SORCS3: variants seen among roughly 807,000 people sequenced by gnomAD.
SORCS3 encodes VPS10 domain-containing receptor SorCS3.
A neutral mutation model predicts 146.3 loss-of-function variants in SORCS3; 57 were observed. The ratio of observed to expected loss-of-function variants is 0.39; its 90% CI spans 0.31 to 0.49. The LOEUF is 0.49. Ranked by LOEUF, SORCS3 falls within the 20% of genes least tolerant of loss-of-function variation. The probability of loss-of-function intolerance (pLI) is 0.92; values close to 1 mark genes in which losing one functional copy is unlikely to be tolerated. For missense variants in SORCS3, 1,341 were observed against 1,575.5 expected (o/e 0.85, Z 2.52); for synonymous variants, 653 against 618.5 (o/e 1.06, Z -0.83).
chr10:104,856,480 CTAAT>C (rs1288592593), intron 2 of SORCS3, among the ~76,000 whole-genome samples: 8 of 119,400 alleles, frequency 6.7e-5, no homozygotes, highest in South Asian at 4.8e-4. Context: ...ATATATGCCT[CTAAT>C]TGATTATATT....
At chr10:105,258,519 T>G (rs1376058229) in intron 25 of SORCS3, among the ~76,000 whole-genome samples, 1 of 152,218 alleles carries the variant, frequency 6.6e-6, no homozygotes, top group Non-Finnish European at 1.5e-5. Flanking sequence ...GCATAGTTGC[T>G]GAGGACAAGG....
chr10:104,789,479 T>TCCAC (rs1287536288), intron 1 of SORCS3, among the ~76,000 whole-genome samples: 1 of 152,146 alleles, frequency 6.6e-6, no homozygotes, highest in African/African-American at 2.4e-5. Context: ...TATTCATCTC[T>TCCAC]CCACTCAGGG....
rs116773653 is a variant in SORCS3 at position 104,718,946 on chromosome 10, C to T, written c.627+76992C>T. Among the ~76,000 whole-genome samples, 731 of 152,208 alleles carry T rather than the reference C, an allele frequency of 4.8e-3. 7 individuals are homozygous for T. The highest frequency in any genetic ancestry group is 0.017 in the African/African-American group (716 of 41,542). ...ACAGTGCTGTCCAATTGAAATATAA[C>T]ATGTGCCACATCTGCAATGTAAATT... On this transcript the variant is annotated intron_variant, in intron 1 of 26. Coordinates refer to ENST00000369701, the MANE Select transcript of SORCS3 (RefSeq NM_014978.3).
chr10:104,870,078 C>T (rs1168536309), intron 2 of SORCS3, among the ~76,000 whole-genome samples: 2 of 152,146 alleles, frequency 1.3e-5, no homozygotes, highest in African/African-American at 4.8e-5. Context: ...CTATTGCTGT[C>T]ATTATCATTA....
At chr10:104,801,889 A>C (rs749944504) in intron 1 of SORCS3, among the ~76,000 whole-genome samples, 7 of 152,346 alleles carry the variant, frequency 4.6e-5, no homozygotes, top group Non-Finnish European at 8.8e-5. Context: ...AAGTTTAAAC[A>C]CTGATAAGAA....
chr10:104,882,852 T>C (rs993719904), intron 2 of SORCS3, among the ~76,000 whole-genome samples: 1 of 152,222 alleles, frequency 6.6e-6, no homozygotes, highest in African/African-American at 2.4e-5. Flanking sequence ...AAAGGAATGC[T>C]AATTCATTAT....
At chr10:104,736,341 T>C (rs1402952318) in intron 1 of SORCS3, among the ~76,000 whole-genome samples, 4 of 152,142 alleles carry the variant, frequency 2.6e-5, no homozygotes, top group African/African-American at 9.7e-5. Flanking sequence ...AGATTTCTTA[T>C]TTAGGTGGAA....
intron 1 of SORCS3, among the ~76,000 whole-genome samples, chr10:104,748,199 A>T (rs898170627): frequency 2.6e-5 from 4 of 152,196 alleles, no homozygotes; most frequent in Non-Finnish European, 4.4e-5. Context: ...GATCTGGATG[A>T]TATATTTTGA....
intron 1 of SORCS3, among the ~76,000 whole-genome samples, chr10:104,748,153 A>T (rs887136874): frequency 3.3e-5 from 5 of 152,210 alleles, no homozygotes; most frequent in African/African-American, 1.2e-4. Flanking sequence ...CTCTGATGTC[A>T]TGTGGTCTGA....
At chr10:104,881,393 A>T (rs2018628704) in intron 2 of SORCS3, among the ~76,000 whole-genome samples, 1 of 152,190 alleles carries the variant, frequency 6.6e-6, no homozygotes, top group Admixed American at 6.5e-5. Context: ...AAAAGTTGGG[A>T]AAGAAGCCCG....
chr10:104,970,174 A>T (rs1024301198), intron 3 of SORCS3, among the ~76,000 whole-genome samples: 2 of 151,834 alleles, frequency 1.3e-5, no homozygotes, highest in Admixed American at 1.3e-4. Flanking sequence ...ACAGAGTCTC[A>T]CTCTGCCTGC....
At chr10:104,788,438 A>G (rs1159890289) in intron 1 of SORCS3, among the ~76,000 whole-genome samples, 1 of 152,210 alleles carries the variant, frequency 6.6e-6, no homozygotes, top group Non-Finnish European at 1.5e-5. Context: ...ACGGTGCAGT[A>G]TATATAGTAT....
At chr10:104,805,869 C>A (rs2017674642) in intron 1 of SORCS3, among the ~76,000 whole-genome samples, 1 of 152,170 alleles carries the variant, frequency 6.6e-6, no homozygotes, top group Non-Finnish European at 1.5e-5. Context: ...GCTTTCCCCT[C>A]TTTACTTATT....
rs188557753 is a variant in SORCS3, at chr10:104,877,765, C to A, written c.695+34906C>A. 2.8e-3 allele frequency among the ~76,000 whole-genome samples: 426 copies of A among 152,246 alleles called. 3 individuals are homozygous for A. The highest frequency in any genetic ancestry group is 9.1e-3 in the African/African-American group (378 of 41,550). Reference sequence around the variant, plus strand: ...GATTTCCTGAGAAGGAGTCAGATACCACATAGAGTATTTCTTCCCTATGGT... The same window carrying A: ...GATTTCCTGAGAAGGAGTCAGATACAACATAGAGTATTTCTTCCCTATGGT... On this transcript the variant is annotated intron_variant, in intron 2 of 26. Transcript: ENST00000369701.
At chr10:104,769,775 G>A (rs914784880) in intron 1 of SORCS3, among the ~76,000 whole-genome samples, 3 of 152,082 alleles carry the variant, frequency 2.0e-5, no homozygotes. Flanking sequence ...CTGTGTGTGC[G>A]ACCTTGAATA....
intron 1 of SORCS3, among the ~76,000 whole-genome samples, chr10:104,709,918 A>T (rs1468062317): frequency 6.6e-6 from 1 of 151,994 alleles, no homozygotes; most frequent in Non-Finnish European, 1.5e-5. Flanking sequence ...TTAATTAAAA[A>T]AATTTTTTTT....
intron 2 of SORCS3, among the ~76,000 whole-genome samples, chr10:104,862,368 C>G (rs889880361): frequency 6.6e-6 from 1 of 152,182 alleles, no homozygotes; most frequent in Non-Finnish European, 1.5e-5. Flanking sequence ...TGGCAGAGGA[C>G]AAGCCCTGTG....
At chr10:104,742,260 T>G (rs934169993) in intron 1 of SORCS3, among the ~76,000 whole-genome samples, 2 of 152,166 alleles carry the variant, frequency 1.3e-5, no homozygotes, top group Non-Finnish European at 2.9e-5. Flanking sequence ...AGAAAATTGT[T>G]TTTGTTCATC....
intron 18 of SORCS3, among the ~76,000 whole-genome samples, chr10:105,216,114 T>C (rs1476569688): frequency 1.3e-5 from 2 of 152,062 alleles, no homozygotes; most frequent in Non-Finnish European, 2.9e-5. Context: ...CAGAGAGCTC[T>C]TTCCAAGAGA....
Sources: allele counts gnomAD v4.1 joint callset (sites outside exome capture counted in the v4.1 genomes callset), GRCh38; gene constraint gnomAD v4.1.1; transcripts MANE v1.5; gene names NCBI Gene and HGNC (gene_info 2026-07-23, HGNC 2026-07-21).